PRDM6: variants seen among roughly 807,000 people sequenced by gnomAD.
PRDM6 encodes PR/SET domain 6, also known as putative histone-lysine N-methyltransferase PRDM6.
In PRDM6, 25 loss-of-function variants were observed where a neutral mutation model predicts 60.8. The ratio of observed to expected loss-of-function variants is 0.41; its 90% CI spans 0.30 to 0.57. PRDM6 has a LOEUF of 0.57. Among genes scored for constraint, PRDM6 ranks in the 20% least tolerant of loss-of-function variants. The pLI, the probability that PRDM6 is intolerant of heterozygous loss-of-function variation, is 0.27. For missense variants in PRDM6, 839 were observed against 821.3 expected (o/e 1.02, Z -0.26); for synonymous variants, 407 against 357.4 (o/e 1.14, Z -1.57).
In PRDM6 at chr5:123,099,636, C is replaced by G. The variant is rs759231912; in HGVS notation, c.593-18C>G. 6.2e-6 allele frequency: 9 copies of G among 1,445,002 alleles called. No individual in the cohort carries two copies. The highest frequency in any genetic ancestry group is 8.2e-6 in the Non-Finnish European group (9 of 1,095,352). 89.5% of individuals were successfully genotyped at this position (1,445,002 alleles called of 1,614,324 possible). A position where few individuals can be genotyped will look rare whatever the true frequency, so the allele number is the denominator to read the frequency against. On this transcript the variant is annotated intron_variant, in intron 2 of 7. Coordinates refer to ENST00000407847, the MANE Select transcript of PRDM6 (RefSeq NM_001136239.4). The surrounding 1 kb of genome is among the most constrained non-coding windows in gnomAD (Gnocchi z 4.0). ...GATTAACCCGCTCCCTTCCCTTCCT[C>G]CTTCTTGTCTCCCGCAGGTTGCGAC...
chr5:123,117,030 C>G (rs921753575), intron 3 of PRDM6, among the ~76,000 whole-genome samples: 1 of 152,194 alleles, frequency 6.6e-6, no homozygotes, highest in African/African-American at 2.4e-5. Flanking sequence ...TAAGCTGGCT[C>G]TGCAGCCACT....
At position 123,188,450 on chromosome 5, in the gene PRDM6, T is replaced by C. The variant is rs1766336777; in HGVS notation, c.*1249T>C. ...TGTGAGTTTAATTTCAGCTAGCCTGTTGGTGGTTCAACAGTGGTGCTCAAT... is the reference window on the plus strand; with the variant it reads ...TGTGAGTTTAATTTCAGCTAGCCTGCTGGTGGTTCAACAGTGGTGCTCAAT... On this transcript the variant is annotated 3_prime_UTR_variant, in exon 8 of 8. Transcript: ENST00000407847. The C allele has an allele frequency of 6.6e-6, 1 of 152,214 alleles. No homozygotes were observed. The highest frequency in any genetic ancestry group is 2.4e-5 in the African/African-American group (1 of 41,454). 9.4% of individuals were successfully genotyped at this position (152,214 alleles called of 1,614,324 possible).
chr5:123,172,392 A>T (rs1430439021), intron 6 of PRDM6, among the ~76,000 whole-genome samples: 1 of 152,198 alleles, frequency 6.6e-6, no homozygotes, highest in Non-Finnish European at 1.5e-5. Flanking sequence ...TAAGGCAGCT[A>T]TGTCTTCACA....
chr5:123,112,783 C>CTTTTTTTTTTTTTTTTTTTTTTTTTTTTT (rs537426568), intron 3 of PRDM6, among the ~76,000 whole-genome samples: 1 of 47,504 alleles, frequency 2.1e-5, no homozygotes, highest in African/African-American at 9.8e-5. Context: ...TCTAATGGCT[C>CTTTTTTTTTTTTTTTTTTTTTTTTTTTTT]TTTTTTTTTT....
At chr5:123,105,044 G>T (rs188404204) in intron 3 of PRDM6, among the ~76,000 whole-genome samples, 15 of 152,282 alleles carry the variant, frequency 9.9e-5, no homozygotes, top group Admixed American at 7.2e-4. Flanking sequence ...ATCCCAACAT[G>T]CATGTGACAC....
chr5:123,188,142 A>G lies in PRDM6; in HGVS notation c.*941A>G, dbSNP rs1580549408. 1 of 152,306 alleles carries G rather than the reference A, an allele frequency of 6.6e-6. No homozygotes were observed. Among genetic ancestry groups the G allele is most frequent in the East Asian group, 1.9e-4 (1 of 5,182 alleles). 9.4% of individuals were successfully genotyped at this position (152,306 alleles called of 1,614,324 possible). A position where few individuals can be genotyped will look rare whatever the true frequency, so the allele number is the denominator to read the frequency against. ...AAAAATAGTGCCAAACCCCATCGTC[A>G]AGGCCCTTTTAGCAATTTTATCTTT... On this transcript the variant is annotated 3_prime_UTR_variant, in exon 8 of 8. Transcript: ENST00000407847.
At chr5:123,116,133 G>T (rs887315596) in intron 3 of PRDM6, among the ~76,000 whole-genome samples, 3 of 152,178 alleles carry the variant, frequency 2.0e-5, no homozygotes, top group African/African-American at 7.2e-5. Context: ...GTGGATCCCG[G>T]AGGCTGCTTG....
rs1766427844 is a variant in PRDM6, at chr5:123,191,333, C to T, written c.*4132C>T. The stretch of plus-strand genomic sequence containing the variant: ...ATCATGGCACGTCTCACAAAGAGGG[C>T]ATTTCCAGAACAGCAGGGTTAACGG... On this transcript the variant is annotated 3_prime_UTR_variant, in exon 8 of 8. Transcript: ENST00000407847. 6.6e-6 allele frequency: 1 copy of T among 152,156 alleles called. No individual in the cohort carries two copies. The highest frequency in any genetic ancestry group is 2.4e-5 in the African/African-American group (1 of 41,428). The allele number at this position is 152,156 out of a possible 1,614,324, so 9.4% of individuals were successfully genotyped here. A position where few individuals can be genotyped will look rare whatever the true frequency, so the allele number is the denominator to read the frequency against.
At chr5:123,173,671 T>C (rs907734088) in intron 6 of PRDM6, among the ~76,000 whole-genome samples, 17 of 152,252 alleles carry the variant, frequency 1.1e-4, no homozygotes, top group Non-Finnish European at 2.4e-4. Context: ...AAATACAATG[T>C]TTCTTAGTAA....
At chr5:123,152,281 G>C (rs1389580547) in intron 3 of PRDM6, among the ~76,000 whole-genome samples, 2 of 152,150 alleles carry the variant, frequency 1.3e-5, no homozygotes, top group Non-Finnish European at 2.9e-5. Context: ...TAAGTAGCAT[G>C]TAAGACAGTA....
Position 123,093,928 on chromosome 5 carries a change from C to G in PRDM6, c.592+3322C>G, listed in dbSNP as rs1480750347. Among the ~76,000 whole-genome samples the G allele has an allele frequency of 4.0e-5, 6 of 151,884 alleles. No individual in the cohort carries two copies. In the South Asian group the frequency reaches 1.3e-3, roughly 32 times the overall value. On this transcript the variant is annotated intron_variant, in intron 2 of 7. Transcript: ENST00000407847. ...GGGAACTGAGCCACTTTGGGTGTCT[C>G]GGGGGAGAGTTGGACCACTTTGCAA...
At chr5:123,143,677 G>T (rs2126863220) in intron 3 of PRDM6, among the ~76,000 whole-genome samples, 1 of 152,268 alleles carries the variant, frequency 6.6e-6, no homozygotes, top group Admixed American at 6.5e-5. Context: ...CCAGCTGTGT[G>T]AAAGGAGCTT....
At position 123,170,880 on chromosome 5, in the gene PRDM6, A is replaced by C. The variant is rs747366998; in HGVS notation, c.1268A>C (p.Gln423Pro). 4 of 1,552,246 alleles carry C rather than the reference A, an allele frequency of 2.6e-6. No individual in the cohort carries two copies. Among genetic ancestry groups the C allele is most frequent in the Non-Finnish European group, 3.5e-6 (4 of 1,147,112 alleles). ...TTQQRSVVFP[Q>P]TPCSRNFSLL... ...CAGCAGCGCTCCGTTGTTTTCCCCCAGACTCCGTGCAGCAGGAACTTCTCT... is the reference window on the plus strand; with the variant it reads ...CAGCAGCGCTCCGTTGTTTTCCCCCCGACTCCGTGCAGCAGGAACTTCTCT... The change falls in exon 6 of 8, where the codon CAG becomes CCG. Residue 423 changes from glutamine to proline, a missense_variant. This residue lies in a region of PRDM6 where 730 missense variants were observed against 648.8 expected (regional missense o/e 1.13). Transcript: ENST00000407847.
At chr5:123,112,489 A>G (rs335185) in intron 3 of PRDM6, among the ~76,000 whole-genome samples, 5 of 152,150 alleles carry the variant, frequency 3.3e-5, no homozygotes, top group African/African-American at 1.2e-4. Flanking sequence ...TCATCCGAGC[A>G]TGTAGCCTGT....
intron 3 of PRDM6, among the ~76,000 whole-genome samples, chr5:123,101,749 T>G (rs1489206226): frequency 6.6e-6 from 1 of 152,184 alleles, no homozygotes; most frequent in Non-Finnish European, 1.5e-5. Flanking sequence ...CCCAGAAGGC[T>G]TTGAATGATT....
rs1766461117 is a variant in PRDM6 at position 123,193,049 on chromosome 5, A to G, written c.*5848A>G. On this transcript the variant is annotated 3_prime_UTR_variant, in exon 8 of 8. Transcript: ENST00000407847. ...AAAAGTAAGTGTACAAAATTTCATC[A>G]TGAACTGGCTTTATTACAACTCTTT... 1.3e-5 allele frequency: 2 copies of G among 152,258 alleles called. No homozygotes were observed. Among genetic ancestry groups the G allele is most frequent in the East Asian group, 3.8e-4 (2 of 5,208 alleles). The allele number at this position is 152,258 out of a possible 1,614,324, so 9.4% of individuals were successfully genotyped here.
intron 3 of PRDM6, among the ~76,000 whole-genome samples, chr5:123,141,625 T>A (rs1322242333): frequency 1.3e-5 from 2 of 152,150 alleles, no homozygotes; most frequent in Non-Finnish European, 2.9e-5. Context: ...GAGACTTGAT[T>A]CCTGCTCTGC....
At position 123,146,029 on chromosome 5, in the gene PRDM6, AGTCT is replaced by A. The variant is rs569478339; in HGVS notation, c.901-9850_901-9847del. ...TGTGTGTCTGCGCATGTATAGAAGT[AGTCT>A]GTCTATTTTTTAGAGATGTTCCCTT... On this transcript the variant is annotated intron_variant, in intron 3 of 7. Coordinates refer to ENST00000407847, the MANE Select transcript of PRDM6 (RefSeq NM_001136239.4). Among the ~76,000 whole-genome samples, 170 of 152,318 alleles carry A rather than the reference AGTCT, an allele frequency of 1.1e-3. 2 individuals are homozygous for A. The highest frequency in any genetic ancestry group is 3.5e-3 in the African/African-American group (144 of 41,574).
chr5:123,138,526 T>A (rs1404908055), intron 3 of PRDM6, among the ~76,000 whole-genome samples: 2 of 152,232 alleles, frequency 1.3e-5, no homozygotes, highest in East Asian at 3.8e-4. Context: ...AACATTATAA[T>A]TTGAATTTGC....
Sources: allele counts gnomAD v4.1 joint callset (sites outside exome capture counted in the v4.1 genomes callset), GRCh38; gene constraint gnomAD v4.1.1; regional missense constraint gnomAD v4.1.1; non-coding constraint Gnocchi (gnomAD v3.1); transcripts MANE v1.5; gene names NCBI Gene and HGNC (gene_info 2026-07-23, HGNC 2026-07-21).